SAMD5: variants seen among roughly 807,000 people sequenced by gnomAD.
SAMD5 encodes sterile alpha motif domain containing 5.
Under a neutral mutation model 11.3 loss-of-function variants are expected in SAMD5, and 13 were observed. The ratio of observed to expected loss-of-function variants is 1.15; its 90% CI spans 0.75 to 1.83. SAMD5 has a LOEUF of 1.83. Ranked by LOEUF, SAMD5 falls within the 40% of genes most tolerant of loss-of-function variation. The pLI is 0.00. For missense variants in SAMD5, 255 were observed against 239.1 expected (o/e 1.07, Z -0.44); for synonymous variants, 129 against 111.3 (o/e 1.16, Z -1.00).
At chr6:147,949,433 A>G in the SAMD5 span, among the ~76,000 whole-genome samples, 1 of 152,218 alleles carries the variant, frequency 6.6e-6, no homozygotes, top group South Asian at 2.1e-4. Flanking sequence ...CACACAGAAA[A>G]GTCAAAGCTG....
At chr6:147,860,226 C>T in the SAMD5 span, among the ~76,000 whole-genome samples, 1 of 152,200 alleles carries the variant, frequency 6.6e-6, no homozygotes, top group African/African-American at 2.4e-5. Context: ...TGGACTGTCA[C>T]ATGGCATTCT....
Position 147,566,071 on chromosome 6 carries a change from G to C in SAMD5, c.*1615G>C. The C allele has an allele frequency of 1.0e-6, 1 of 983,306 alleles. No homozygotes were observed. Among genetic ancestry groups the C allele is most frequent in the Non-Finnish European group, 1.2e-6 (1 of 828,088 alleles). The allele number at this position is 983,306 out of a possible 1,614,324, so 60.9% of individuals were successfully genotyped here. A position where few individuals can be genotyped will look rare whatever the true frequency, so the allele number is the denominator to read the frequency against. On this transcript the variant is annotated 3_prime_UTR_variant, in exon 2 of 2. Coordinates refer to ENST00000367474, the MANE Select transcript of SAMD5 (RefSeq NM_001030060.3). The stretch of plus-strand genomic sequence containing the variant: ...AGATAGGCCATTAAGAAGGATATTA[G>C]GTTTCTAAGGACAATTTTAACACAA...
At chr6:147,782,416 A>G in the SAMD5 span, among the ~76,000 whole-genome samples, 1 of 152,216 alleles carries the variant, frequency 6.6e-6, no homozygotes, top group Non-Finnish European at 1.5e-5. Flanking sequence ...ATATGACTAT[A>G]TGAACATGCC....
chr6:147,564,031 C>T (rs1477537223), intron 1 of SAMD5, among the ~76,000 whole-genome samples: 2 of 152,266 alleles, frequency 1.3e-5, no homozygotes, highest in Admixed American at 6.5e-5. Context: ...CTAGTACTAA[C>T]GTTGCTAACG....
At chr6:147,838,385 C>G in the SAMD5 span, among the ~76,000 whole-genome samples, 2 of 152,112 alleles carry the variant, frequency 1.3e-5, no homozygotes, top group African/African-American at 4.8e-5. Context: ...CTGTTCAGTT[C>G]CTGATTCTAC....
chr6:147,899,638 G>T, the SAMD5 span, among the ~76,000 whole-genome samples: 1 of 152,166 alleles, frequency 6.6e-6, no homozygotes, highest in African/African-American at 2.4e-5. Context: ...ACTCCAGCCT[G>T]TTCTATTCAT....
chr6:147,947,425 T>C, the SAMD5 span: 1 of 152,250 alleles, frequency 6.6e-6, no homozygotes, highest in African/African-American at 2.4e-5. Flanking sequence ...GCAATTGCTT[T>C]TAAATGACAG....
At chr6:147,638,975 G>A (rs764361037) in intron 1 of SAMD5, among the ~76,000 whole-genome samples, 1 of 152,148 alleles carries the variant, frequency 6.6e-6, no homozygotes, top group Non-Finnish European at 1.5e-5. Flanking sequence ...TTTTCCCAAT[G>A]AGATCGAAAA....
the SAMD5 span, among the ~76,000 whole-genome samples, chr6:147,891,683 G>A: frequency 2.6e-5 from 4 of 152,036 alleles, no homozygotes; most frequent in South Asian, 8.3e-4. Context: ...TAAAAAATGA[G>A]AAATCCATTT....
At chr6:147,891,064 A>C in the SAMD5 span, among the ~76,000 whole-genome samples, 1 of 152,252 alleles carries the variant, frequency 6.6e-6, no homozygotes, top group Admixed American at 6.5e-5. Flanking sequence ...TACGTCTAGT[A>C]AGATCCCACA....
chr6:147,542,569 A>C (rs1211537464), intron 1 of SAMD5, among the ~76,000 whole-genome samples: 1 of 152,040 alleles, frequency 6.6e-6, no homozygotes, highest in African/African-American at 2.4e-5. Flanking sequence ...CAGGGATGAA[A>C]TCATAGGAAG....
intron 1 of SAMD5, among the ~76,000 whole-genome samples, chr6:147,652,520 T>C (rs1174897845): frequency 6.6e-6 from 1 of 152,144 alleles, no homozygotes; most frequent in Non-Finnish European, 1.5e-5. Context: ...CCTGGTTCAG[T>C]AGCAATGGTG....
intron 1 of SAMD5, among the ~76,000 whole-genome samples, chr6:147,601,518 T>A (rs1789614599): frequency 1.3e-5 from 2 of 152,088 alleles, no homozygotes; most frequent in African/African-American, 2.4e-5. Context: ...TTAATATTGT[T>A]TTAGAGAGTA....
At chr6:147,601,269 G>A (rs1276210304) in intron 1 of SAMD5, among the ~76,000 whole-genome samples, 1 of 151,798 alleles carries the variant, frequency 6.6e-6, no homozygotes. Context: ...AATCCATCAG[G>A]TTTCTCCCAT....
intron 1 of SAMD5, among the ~76,000 whole-genome samples, chr6:147,537,854 C>G (rs1476473043): frequency 6.6e-6 from 1 of 152,120 alleles, no homozygotes; most frequent in Admixed American, 6.5e-5. Context: ...AAATTTGTCT[C>G]TTTTCTTTTC....
intron 1 of SAMD5, among the ~76,000 whole-genome samples, chr6:147,581,408 A>T (rs556338344): frequency 1.3e-5 from 2 of 152,256 alleles, no homozygotes; most frequent in South Asian, 4.2e-4. Flanking sequence ...GGTATATGCT[A>T]ATTAAACCAC....
chr6:147,877,465 C>A, the SAMD5 span, among the ~76,000 whole-genome samples: 1 of 152,030 alleles, frequency 6.6e-6, no homozygotes, highest in Non-Finnish European at 1.5e-5. Flanking sequence ...CATAGGAAGA[C>A]AGAAATACAA....
At chr6:147,801,445 G>A in the SAMD5 span, among the ~76,000 whole-genome samples, 1 of 152,038 alleles carries the variant, frequency 6.6e-6, no homozygotes, top group African/African-American at 2.4e-5. Flanking sequence ...AATGACAGAG[G>A]TAAACACAGG....
the SAMD5 span, among the ~76,000 whole-genome samples, chr6:147,745,069 A>C: frequency 6.6e-6 from 1 of 152,162 alleles, no homozygotes; most frequent in African/African-American, 2.4e-5. Context: ...TTACCATTAA[A>C]ATTTTTAAGT....
Sources: allele counts gnomAD v4.1 joint callset (sites outside exome capture counted in the v4.1 genomes callset), GRCh38; gene constraint gnomAD v4.1.1; transcripts MANE v1.5; gene names NCBI Gene and HGNC (gene_info 2026-07-23, HGNC 2026-07-21).